The following PPP3CC variants were observed in gnomAD, a reference collection of about 807,000 sequenced individuals.
The protein encoded by PPP3CC is protein phosphatase 3 catalytic subunit gamma, also known as serine/threonine-protein phosphatase 2B catalytic subunit gamma isoform.
PPP3CC carries 35 observed loss-of-function variants against 60.3 expected under a neutral mutation model. The ratio of observed to expected loss-of-function variants is 0.58; its 90% CI spans 0.44 to 0.77. The LOEUF (loss-of-function observed/expected upper bound fraction) is 0.77, where lower values mean the gene tolerates loss of function less well. Ranked by LOEUF, PPP3CC falls within the 30% of genes least tolerant of loss-of-function variation. The pLI is 0.00. For synonymous variants in PPP3CC, 206 were observed against 224.3 expected (o/e 0.92, Z 0.73); for missense variants, 570 against 628.9 (o/e 0.91, Z 1.00).
Position 22,528,660 on chromosome 8 carries a change from C to G in PPP3CC, c.1141+83C>G, listed in dbSNP as rs1244826308. 4 of 1,016,446 alleles carry G rather than the reference C, an allele frequency of 3.9e-6. No homozygotes were observed. In the African/African-American group the frequency reaches 4.9e-5, roughly 13 times the overall value. The allele number at this position is 1,016,446 out of a possible 1,614,324, so 63.0% of individuals were successfully genotyped here. A position where few individuals can be genotyped will look rare whatever the true frequency, so the allele number is the denominator to read the frequency against. On this transcript the variant is annotated intron_variant, in intron 10 of 13. Transcript: ENST00000240139. The stretch of plus-strand genomic sequence containing the variant: ...GTTTTAGTTTATTTTGAATGATTTT[C>G]TTTGTCTTATTAAAAATAAAGTTAG...
chr8:22,443,563 G>A (rs940715182), intron 1 of PPP3CC, among the ~76,000 whole-genome samples: 12 of 148,500 alleles, frequency 8.1e-5, no homozygotes, highest in South Asian at 6.4e-4. Context: ...TTATTGCTAC[G>A]CATGCTTATT....
chr8:22,470,704 A>G (rs1837695662), intron 1 of PPP3CC, among the ~76,000 whole-genome samples: 1 of 152,242 alleles, frequency 6.6e-6, no homozygotes. Flanking sequence ...AGTAGAGAAC[A>G]AAGAGATACC....
intron 6 of PPP3CC, among the ~76,000 whole-genome samples, chr8:22,515,389 T>G (rs566607787): frequency 6.6e-6 from 1 of 152,362 alleles, no homozygotes; most frequent in East Asian, 1.9e-4. Flanking sequence ...GACACTTAGG[T>G]TGCTTCCAAA....
rs193082359 is a variant in PPP3CC at position 22,479,080 on chromosome 8, C to A, written c.372+3456C>A. 2.8e-3 allele frequency among the ~76,000 whole-genome samples: 419 copies of A among 152,136 alleles called. 1 individual carries two copies. Among genetic ancestry groups the A allele is most frequent in the African/African-American group, 9.4e-3 (391 of 41,520 alleles). On this transcript the variant is annotated intron_variant, in intron 3 of 13. Coordinates refer to ENST00000240139, the MANE Select transcript of PPP3CC (RefSeq NM_005605.5). ...TTTATAAACCACTAAGATTATAAAC[C>A]TCTATAGGCTATAGCTTACTCTAAC...
At chr8:22,511,290 G>T (rs1004487907) in intron 5 of PPP3CC, 59 bp downstream of exon 5, 43 of 1,518,706 alleles carry the variant, frequency 2.8e-5, no homozygotes, top group Admixed American at 1.3e-4. Context: ...GGGTTTTTTT[G>T]TTGTTGTTGT....
intron 3 of PPP3CC, among the ~76,000 whole-genome samples, chr8:22,487,037 T>G (rs1423458522): frequency 6.6e-6 from 1 of 152,190 alleles, no homozygotes; most frequent in Non-Finnish European, 1.5e-5. Context: ...GCCCAGACTT[T>G]GTGTTTTATG....
At chr8:22,496,765 A>G (rs575909419) in intron 3 of PPP3CC, among the ~76,000 whole-genome samples, 8 of 151,798 alleles carry the variant, frequency 5.3e-5, no homozygotes, top group Admixed American at 2.0e-4. Context: ...CCCAAGTGCT[A>G]GTATTACAGG....
At chr8:22,447,428 C>T (rs192453814) in intron 1 of PPP3CC, among the ~76,000 whole-genome samples, 45 of 151,952 alleles carry the variant, frequency 3.0e-4, no homozygotes, top group Admixed American at 2.0e-3. Context: ...GTGATCCGCC[C>T]GTCTCGGCCT....
chr8:22,492,625 AAC>A (rs1424914130), intron 3 of PPP3CC: 1 of 607,126 alleles, frequency 1.6e-6, no homozygotes, highest in African/African-American at 1.9e-5. Context: ...AGATGAAACA[AAC>A]AGTTATGAGC....
intron 12 of PPP3CC, among the ~76,000 whole-genome samples, chr8:22,534,409 G>A (rs1352113348): frequency 1.5e-5 from 2 of 136,138 alleles, no homozygotes; most frequent in African/African-American, 2.8e-5. Flanking sequence ...GCAACAGGGC[G>A]AGACCCTGTC....
intron 8 of PPP3CC, among the ~76,000 whole-genome samples, chr8:22,524,308 C>T (rs548370673): frequency 1.2e-4 from 18 of 152,250 alleles, no homozygotes; most frequent in African/African-American, 3.9e-4. Context: ...TTAATATTTA[C>T]TCTATTTAAA....
intron 1 of PPP3CC, among the ~76,000 whole-genome samples, chr8:22,455,055 C>CAAAAAAAAA (rs5890035): frequency 2.2e-5 from 2 of 91,318 alleles, no homozygotes; most frequent in African/African-American, 3.9e-5. Context: ...GACTCCATCT[C>CAAAAAAAAA]AAAAAAAAAA....
At chr8:22,538,837 A>G (rs1281539493) in intron 12 of PPP3CC, among the ~76,000 whole-genome samples, 2 of 152,264 alleles carry the variant, frequency 1.3e-5, no homozygotes, top group Non-Finnish European at 2.9e-5. Context: ...TTTTTATAGC[A>G]GATGGGTACA....
At position 22,528,560 on chromosome 8, in the gene PPP3CC, C is replaced by G; in HGVS notation, c.1124C>G (p.Ser375Cys). The G allele has an allele frequency of 6.4e-7, 1 of 1,553,590 alleles. No homozygotes were observed. Among genetic ancestry groups the G allele is most frequent in the Non-Finnish European group, 8.7e-7 (1 of 1,144,740 alleles). Residue 375 changes from serine (S) to cysteine (C), a missense_variant, in exon 10 of 14, where the codon TCT becomes TGT. Transcript: ENST00000240139. The part of the protein sequence containing the change: ...LNICSDDELI[S>C]DDEAEGSTTV... ...ATATGCTCTGATGACGAACTGATTT[C>G]TGATGATGAAGCAGAAGGTAAACTT...
intron 5 of PPP3CC, 32 bp downstream of exon 5, chr8:22,511,263 TA>T: frequency 2.5e-6 from 4 of 1,593,184 alleles, no homozygotes; most frequent in Non-Finnish European, 3.4e-6. Context: ...TCACAGGGAA[TA>T]TTTTTAAAAT....
At chr8:22,443,263 C>A (rs1836727887) in intron 1 of PPP3CC, among the ~76,000 whole-genome samples, 1 of 152,008 alleles carries the variant, frequency 6.6e-6, no homozygotes, top group Non-Finnish European at 1.5e-5. Flanking sequence ...TGGCTCACGC[C>A]TGTAACCCCA....
chr8:22,479,616 C>A (rs1313566707), intron 3 of PPP3CC, among the ~76,000 whole-genome samples: 1 of 151,346 alleles, frequency 6.6e-6, no homozygotes, highest in Non-Finnish European at 1.5e-5. Context: ...TGGTGGTGGG[C>A]GCCTGTAATC....
intron 3 of PPP3CC, among the ~76,000 whole-genome samples, chr8:22,482,743 C>T (rs1838106038): frequency 6.6e-6 from 1 of 152,046 alleles, no homozygotes; most frequent in African/African-American, 2.4e-5. Context: ...GAAATCAAAC[C>T]GGATGAAAAG....
At chr8:22,502,068 A>C (rs572241774) in intron 4 of PPP3CC, among the ~76,000 whole-genome samples, 103 of 152,246 alleles carry the variant, frequency 6.8e-4, no homozygotes, top group South Asian at 1.9e-3. Context: ...ACCTGATTAG[A>C]TCAGGCCCTC....
Sources: gnomAD v4.1 joint callset for allele counts (sites outside exome capture counted in the v4.1 genomes callset) on GRCh38, gnomAD v4.1.1 for gene constraint, MANE v1.5 for transcripts, NCBI Gene and HGNC (gene_info 2026-07-23, HGNC 2026-07-21) for gene names.